ZNF23: variants seen among roughly 807,000 people sequenced by gnomAD.
ZNF23 encodes kruppel-like zinc finger factor X31.
In ZNF23, 48 loss-of-function variants were observed where a neutral mutation model predicts 56.2. That is an observed-to-expected ratio of 0.85 (90% confidence interval 0.68 to 1.09). ZNF23 has a LOEUF of 1.09. Among genes scored for constraint, ZNF23 ranks in the 50% least tolerant of loss-of-function variants. The pLI, the probability that ZNF23 is intolerant of heterozygous loss-of-function variation, is 0.00. For synonymous variants in ZNF23, 266 were observed against 283.3 expected, an observed-to-expected ratio of 0.94 and a Z score of 0.61; for missense variants, 805 against 811.4, an observed-to-expected ratio of 0.99 and a Z score of 0.10.
chr16:71,454,190 GC>G, intron 2 of ZNF23, 22 bp from the exon 3 acceptor site: 1 of 1,606,748 alleles, frequency 6.2e-7, no homozygotes, highest in Non-Finnish European at 8.5e-7. Context: ...GGTTCCTGCT[GC>G]CCTAGGGCCA....
At chr16:71,459,785 G>C (rs2043373595) in intron 1 of ZNF23, among the ~76,000 whole-genome samples, 1 of 152,078 alleles carries the variant, frequency 6.6e-6, no homozygotes, top group South Asian at 2.1e-4. Flanking sequence ...ATTGCATGAT[G>C]GTTATATAAC....
At position 71,448,171 on chromosome 16, in the gene ZNF23, A is replaced by G. The variant is rs747797009; in HGVS notation, c.1983T>C (p.Cys661=). The G allele has an allele frequency of 1.9e-6, 3 of 1,614,190 alleles. No homozygotes were observed. The East Asian group carries it at 6.7e-5, about 36-fold the overall frequency. The change falls in exon 5 of 5, where the codon TGT becomes TGC. Residue 661 remains cysteine (C), a synonymous_variant. Coordinates refer to ENST00000647773, the MANE Select transcript of ZNF23 (RefSeq NM_001381984.1). ...ACCTGAATGCTTTCCCACACACACTACACATATAGGGTTTCTTCCAAGTGT... is the reference window on the plus strand; with the variant it reads ...ACCTGAATGCTTTCCCACACACACTGCACATATAGGGTTTCTTCCAAGTGT... ...TVHTWKKPYM[C]SVCGKAFRFS...
Position 71,448,566 on chromosome 16 carries a change from A to G in ZNF23, c.1588T>C (p.Ser530Pro). 1 of 1,613,756 alleles carries G rather than the reference A, an allele frequency of 6.2e-7. No individual in the cohort carries two copies. Residue 530 changes from serine (S) to proline (P), a missense_variant, in exon 5 of 5, where the codon TCT becomes CCT. Coordinates refer to ENST00000647773, the MANE Select transcript of ZNF23 (RefSeq NM_001381984.1). ...ECNECGRCFTSKRNLLDHHRI... is the reference protein window; with the variant it reads ...ECNECGRCFTPKRNLLDHHRI... ...TGATGATCAAGTAGGTTTCTTTTAG[A>G]AGTAAAGCATCTCCCACACTCATTA...
intron 4 of ZNF23, 42 bp downstream of exon 4, chr16:71,453,201 G>A (rs1238437647): frequency 1.4e-6 from 2 of 1,467,156 alleles, no homozygotes; most frequent in African/African-American, 2.8e-5. Flanking sequence ...TATGCCTAAA[G>A]TGCTAAATTC....
In ZNF23 at chr16:71,449,053, A is replaced by G. The variant is rs755103716; in HGVS notation, c.1101T>C (p.Ile367=). 3 of 1,614,166 alleles carry G rather than the reference A, an allele frequency of 1.9e-6. No individual in the cohort carries two copies. The East Asian group carries it at 6.7e-5, about 36-fold the overall frequency. ...CTCCAGTATGGATTCTCTGATGTTG[A>G]ATTAATTTTGCATTAACATTGAACG... ...GKAFNVNAKL[I]QHQRIHTGEK... Residue 367 remains isoleucine (I), a synonymous_variant, in exon 5 of 5, where the codon ATT becomes ATC. Transcript: ENST00000647773.
chr16:71,449,851 T>C lies in ZNF23; in HGVS notation c.303A>G (p.Glu101=), dbSNP rs1166758403. The C allele has an allele frequency of 3.7e-6, 6 of 1,607,322 alleles. No homozygotes were observed. In the African/African-American group the frequency reaches 5.4e-5, roughly 14 times the overall value. ...ATACATTCTCTTTTCCTTCATACAT[T>C]TCCTTTGTCAAATCATTGTCAGTCT... ...DIQTDNDLTK[E]MYEGKENVSF... Residue 101 remains glutamate (E), a synonymous_variant, in exon 5 of 5, where the codon GAA becomes GAG. Coordinates refer to ENST00000647773, the MANE Select transcript of ZNF23 (RefSeq NM_001381984.1).
At chr16:71,456,164 C>G (rs2043225239) in intron 2 of ZNF23, 2 of 423,664 alleles carry the variant, frequency 4.7e-6, no homozygotes, top group South Asian at 3.5e-5. Flanking sequence ...TTATGTTCTG[C>G]AGGTTCCCCG....
intron 2 of ZNF23, 155 bp from the exon 3 acceptor site, chr16:71,454,323 G>T: frequency 9.8e-7 from 1 of 1,016,206 alleles, no homozygotes; most frequent in Non-Finnish European, 1.4e-6. Flanking sequence ...AAAATATCGA[G>T]AAAGTAAACT....
chr16:71,454,567 C>T (rs1293046271), intron 2 of ZNF23, among the ~76,000 whole-genome samples: 1 of 152,166 alleles, frequency 6.6e-6, no homozygotes, highest in Non-Finnish European at 1.5e-5. Flanking sequence ...GCCCACCCAT[C>T]GCCCTCATCC....
At chr16:71,457,123 G>A (rs1284732805) in intron 1 of ZNF23, among the ~76,000 whole-genome samples, 4 of 152,182 alleles carry the variant, frequency 2.6e-5, no homozygotes, top group Non-Finnish European at 4.4e-5. Context: ...AAAATAAAAA[G>A]AAGAAGAAGA....
Position 71,448,026 on chromosome 16 carries a change from G to T in ZNF23, c.*67C>A. The T allele has an allele frequency of 1.5e-6, 2 of 1,330,856 alleles. No individual in the cohort carries two copies. Among genetic ancestry groups the T allele is most frequent in the Non-Finnish European group, 2.1e-6 (2 of 974,944 alleles). The allele number at this position is 1,330,856 out of a possible 1,614,324, so 82.4% of individuals were successfully genotyped here. On this transcript the variant is annotated 3_prime_UTR_variant, in exon 5 of 5. Coordinates refer to ENST00000647773, the MANE Select transcript of ZNF23 (RefSeq NM_001381984.1). ...ATGCCCTCTTGGAGGTTTTTCAATGGATGAATCTGATGATACTTGATCCAT... is the reference window on the plus strand; with the variant it reads ...ATGCCCTCTTGGAGGTTTTTCAATGTATGAATCTGATGATACTTGATCCAT...
chr16:71,453,719 G>C (rs1279666571), intron 3 of ZNF23: 3 of 513,512 alleles, frequency 5.8e-6, no homozygotes, highest in Non-Finnish European at 1.0e-5. Flanking sequence ...TGAGATCCTT[G>C]AAAAGACTCA....
chr16:71,456,132 A>G (rs927916411), intron 2 of ZNF23: 2 of 446,260 alleles, frequency 4.5e-6, no homozygotes, highest in African/African-American at 4.0e-5. Context: ...CTGAAAATGT[A>G]TGGAAAATTT....
At chr16:71,460,794 G>GCC (rs2043416990) in intron 1 of ZNF23, among the ~76,000 whole-genome samples, 2 of 152,274 alleles carry the variant, frequency 1.3e-5, no homozygotes, top group Middle Eastern at 3.4e-3. Flanking sequence ...CAACATTTGT[G>GCC]CCTAATTTTA....
At chr16:71,454,988 G>T (rs1239570577) in intron 2 of ZNF23, among the ~76,000 whole-genome samples, 1 of 151,994 alleles carries the variant, frequency 6.6e-6, no homozygotes, top group East Asian at 2.0e-4. Flanking sequence ...CTTACCCTCT[G>T]CCCACCTCAG....
In ZNF23 at chr16:71,449,625, T is replaced by C. The variant is rs1477128501; in HGVS notation, c.529A>G (p.Ile177Val). The C allele has an allele frequency of 3.1e-6, 5 of 1,614,008 alleles. No homozygotes were observed. Among genetic ancestry groups the C allele is most frequent in the Admixed American group, 1.7e-5 (1 of 60,020 alleles). Residue 177 changes from isoleucine (I) to valine (V), a missense_variant, in exon 5 of 5, where the codon ATC (isoleucine) becomes GTC (valine). Transcript: ENST00000647773. ...CACCCAGAGGGCTGCTCTCCAGTGA[T>C]GGTATGACACTGATATGAGTTTGAA... Reference protein sequence around the residue: ...QSSNSYQCHTITGEQPSGCTG... With the variant: ...QSSNSYQCHTVTGEQPSGCTG...
intron 1 of ZNF23, among the ~76,000 whole-genome samples, chr16:71,458,988 A>C (rs2043340533): frequency 6.6e-6 from 1 of 152,246 alleles, no homozygotes; most frequent in South Asian, 2.1e-4. Flanking sequence ...TATTTGTTTT[A>C]AATTCACTAA....
At chr16:71,453,697 T>C in intron 3 of ZNF23, 1 of 487,942 alleles carries the variant, frequency 2.0e-6, no homozygotes, top group Middle Eastern at 5.6e-4. Context: ...CCTGAAATAA[T>C]CCAGAGTACA....
intron 1 of ZNF23, among the ~76,000 whole-genome samples, chr16:71,460,992 C>T (rs2043427589): frequency 6.6e-6 from 1 of 152,114 alleles, no homozygotes; most frequent in African/African-American, 2.4e-5. Context: ...GGAAACTTAA[C>T]ATTGAATTAT....
Sources: allele counts gnomAD v4.1 joint callset (sites outside exome capture counted in the v4.1 genomes callset), GRCh38; gene constraint gnomAD v4.1.1; transcripts MANE v1.5; gene names NCBI Gene and HGNC (gene_info 2026-07-23, HGNC 2026-07-21).